Variants in TRAM2 observed in about 807,000 individuals in gnomAD.
TRAM2 encodes the protein translocating chain-associated membrane protein 2.
In TRAM2, 12 loss-of-function variants were observed where a neutral mutation model predicts 51.0. That is an observed-to-expected ratio of 0.24 (90% CI 0.15 to 0.38). The LOEUF (loss-of-function observed/expected upper bound fraction) is 0.38. Ranked by LOEUF, TRAM2 falls within the 10% of genes least tolerant of loss-of-function variation. The pLI is 1.00. For missense variants in TRAM2, 361 were observed against 462.0 expected, an observed-to-expected ratio of 0.78 and a Z score of 2.00; for synonymous variants, 175 against 179.4, an observed-to-expected ratio of 0.98 and a Z score of 0.20.
chr6:52,541,050 G>GT (rs1767071336), intron 1 of TRAM2, among the ~76,000 whole-genome samples: 1 of 152,216 alleles, frequency 6.6e-6, no homozygotes, highest in Non-Finnish European at 1.5e-5. Context: ...ATGCCATGCT[G>GT]TATTAGGGGC....
chr6:52,514,451 T>C (rs1406108993), intron 4 of TRAM2, among the ~76,000 whole-genome samples: 2 of 152,036 alleles, frequency 1.3e-5, no homozygotes, highest in East Asian at 1.9e-4. Context: ...ATTGAATATG[T>C]TGAGTGGGGA....
chr6:52,518,883 A>G (rs1766608586), intron 2 of TRAM2, among the ~76,000 whole-genome samples: 1 of 152,224 alleles, frequency 6.6e-6, no homozygotes, highest in Non-Finnish European at 1.5e-5. Context: ...ACTAGGCATA[A>G]TGGGATTTAT....
intron 1 of TRAM2, among the ~76,000 whole-genome samples, chr6:52,544,475 G>A (rs116658836): frequency 0.017 from 2,651 of 152,280 alleles, 64 homozygotes; most frequent in African/African-American, 0.061. Context: ...CCTCTGCTAT[G>A]TGTGTCTCAC....
chr6:52,505,447 C>G lies in TRAM2; in HGVS notation c.875+152G>C, dbSNP rs1480649462. 4.6e-6 allele frequency: 5 copies of G among 1,092,764 alleles called. No individual in the cohort carries two copies. In the African/African-American group the frequency reaches 7.9e-5, roughly 17 times the overall value. The allele number at this position is 1,092,764 out of a possible 1,614,324, so 67.7% of individuals were successfully genotyped here. A position where few individuals can be genotyped will look rare whatever the true frequency, so the allele number is the denominator to read the frequency against. On this transcript the variant is annotated intron_variant, in intron 9 of 10. Transcript: ENST00000182527. Reference sequence around the variant, plus strand: ...TTTGGATGGAACCAGAGGCTGCTATCTCTTCTCCCCTCAGGCCTGATATCC... The same window carrying G: ...TTTGGATGGAACCAGAGGCTGCTATGTCTTCTCCCCTCAGGCCTGATATCC...
intron 2 of TRAM2, among the ~76,000 whole-genome samples, chr6:52,525,956 G>A (rs957916840): frequency 6.6e-6 from 1 of 152,050 alleles, no homozygotes; most frequent in African/African-American, 2.4e-5. Flanking sequence ...AAGAGACAGG[G>A]AGATGACGAC....
chr6:52,534,020 G>A (rs959031369), intron 2 of TRAM2, among the ~76,000 whole-genome samples: 3 of 151,372 alleles, frequency 2.0e-5, no homozygotes, highest in African/African-American at 4.9e-5. Context: ...GGGAGGTGGA[G>A]GTTACAGTGA....
intron 1 of TRAM2, among the ~76,000 whole-genome samples, chr6:52,539,601 A>C (rs1767042226): frequency 6.6e-6 from 1 of 152,102 alleles, no homozygotes; most frequent in South Asian, 2.1e-4. Flanking sequence ...TTATTTTTAA[A>C]CTGTCTCTTC....
intron 7 of TRAM2, 71 bp downstream of exon 7, chr6:52,507,482 T>C: frequency 1.4e-6 from 2 of 1,479,718 alleles, no homozygotes; most frequent in South Asian, 1.2e-5. Flanking sequence ...CTGATAATTA[T>C]ATGAGTGTGT....
intron 1 of TRAM2, among the ~76,000 whole-genome samples, chr6:52,561,517 G>A (rs1767501013): frequency 2.1e-5 from 3 of 145,504 alleles, no homozygotes; most frequent in South Asian, 4.4e-4. Flanking sequence ...ACGGAGTCTC[G>A]CTCTGTCGCC....
intron 6 of TRAM2, 87 bp from the exon 7 acceptor site, chr6:52,507,710 G>A: frequency 7.6e-7 from 1 of 1,314,502 alleles, no homozygotes; most frequent in Middle Eastern, 2.1e-4. Flanking sequence ...GGATGAGAGA[G>A]GGCCAGGCTC....
chr6:52,513,752 G>A (rs565726904), intron 4 of TRAM2, among the ~76,000 whole-genome samples: 2 of 152,154 alleles, frequency 1.3e-5, no homozygotes, highest in Non-Finnish European at 2.9e-5. Context: ...AGGAAAAAAC[G>A]ATTTCACTGC....
chr6:52,549,559 T>G (rs1337304024), intron 1 of TRAM2, among the ~76,000 whole-genome samples: 1 of 152,158 alleles, frequency 6.6e-6, no homozygotes, highest in Non-Finnish European at 1.5e-5. Context: ...GAGTCCAAGC[T>G]CCTGCATGTG....
chr6:52,569,750 A>C (rs542425316), intron 1 of TRAM2, among the ~76,000 whole-genome samples: 3 of 152,212 alleles, frequency 2.0e-5, no homozygotes, highest in African/African-American at 7.2e-5. Flanking sequence ...CTTTGAGAAG[A>C]GGGACCCCAC....
intron 1 of TRAM2, among the ~76,000 whole-genome samples, chr6:52,553,278 T>A (rs1466482325): frequency 2.0e-5 from 3 of 152,176 alleles, no homozygotes; most frequent in African/African-American, 7.2e-5. Context: ...CATTAAATAC[T>A]CTCCAAGATC....
At chr6:52,509,062 G>A (rs898231451) in intron 5 of TRAM2, among the ~76,000 whole-genome samples, 2 of 152,166 alleles carry the variant, frequency 1.3e-5, no homozygotes, top group Non-Finnish European at 2.9e-5. Context: ...CAAAGATCTC[G>A]GGAAAGGCAA....
At chr6:52,576,596 C>T (rs911523053) in intron 1 of TRAM2, among the ~76,000 whole-genome samples, 200 bp downstream of exon 1, 18 of 152,152 alleles carry the variant, frequency 1.2e-4, no homozygotes, top group African/African-American at 3.9e-4. Context: ...ATGGCTGGCA[C>T]GGCGCGGAGC....
intron 1 of TRAM2, among the ~76,000 whole-genome samples, chr6:52,536,442 G>A (rs1230549696): frequency 1.3e-5 from 2 of 152,172 alleles, no homozygotes; most frequent in Non-Finnish European, 2.9e-5. Flanking sequence ...GTTGTGCTGT[G>A]AAACAAAAAA....
chr6:52,553,662 G>C (rs981190907), intron 1 of TRAM2, among the ~76,000 whole-genome samples: 2 of 152,184 alleles, frequency 1.3e-5, no homozygotes, highest in Admixed American at 1.3e-4. Context: ...GAGCACAATA[G>C]TTAAGAGCCC....
intron 1 of TRAM2, among the ~76,000 whole-genome samples, chr6:52,566,938 G>T (rs541463747): frequency 6.6e-6 from 1 of 152,196 alleles, no homozygotes; most frequent in East Asian, 1.9e-4. Context: ...ATCATCAAGT[G>T]ACTGTACTTG....
Sources: gnomAD v4.1 joint callset for allele counts (sites outside exome capture counted in the v4.1 genomes callset) on GRCh38, gnomAD v4.1.1 for gene constraint, MANE v1.5 for transcripts, NCBI Gene and HGNC (gene_info 2026-07-23, HGNC 2026-07-21) for gene names.